Variants in ZCCHC17 observed in about 807,000 individuals in gnomAD.
ZCCHC17 encodes zinc finger CCHC-type containing 17.
Under a neutral mutation model 30.6 loss-of-function variants are expected in ZCCHC17, and 18 were observed. That is an observed-to-expected ratio of 0.59 (90% CI 0.41 to 0.87). The LOEUF is 0.87. Among genes scored for constraint, ZCCHC17 ranks in the 40% least tolerant of loss-of-function variants. The pLI, the probability that ZCCHC17 is intolerant of heterozygous loss-of-function variation, is 0.00. For missense variants in ZCCHC17, 263 were observed against 284.2 expected (o/e 0.93, Z 0.54); for synonymous variants, 88 against 92.4 (o/e 0.95, Z 0.27).
At chr1:31,353,650 G>T (rs1038750236) in intron 7 of ZCCHC17, among the ~76,000 whole-genome samples, 2 of 152,024 alleles carry the variant, frequency 1.3e-5, no homozygotes, top group Non-Finnish European at 2.9e-5. Flanking sequence ...GATCCATTTT[G>T]AGTTTATTTT....
rs748525970 is a variant in ZCCHC17, at chr1:31,319,095, C to A, written c.67-14C>A. 1 of 1,598,386 alleles carries A rather than the reference C, an allele frequency of 6.3e-7. No individual in the cohort carries two copies. Among genetic ancestry groups the A allele is most frequent in the Non-Finnish European group, 8.5e-7 (1 of 1,170,316 alleles). Reference sequence around the variant, plus strand: ...CATGTATGTGACATTGATTTTTTTCCCCCATCTTTATAGGTTGCTATGGTG... The same window carrying A: ...CATGTATGTGACATTGATTTTTTTCACCCATCTTTATAGGTTGCTATGGTG... On this transcript the variant is annotated splice_polypyrimidine_tract_variant and intron_variant, in intron 2 of 7. Transcript: ENST00000344147.
chr1:31,333,136 A>C (rs12758357), intron 3 of ZCCHC17: 94 of 152,236 alleles, frequency 6.2e-4, no homozygotes, highest in African/African-American at 2.2e-3. Context: ...CCAGTTTTTC[A>C]CTGCTAACGC....
intron 7 of ZCCHC17, among the ~76,000 whole-genome samples, chr1:31,361,355 C>T (rs192678480): frequency 1.3e-5 from 2 of 152,238 alleles, no homozygotes; most frequent in Non-Finnish European, 2.9e-5. Context: ...ATACATATAG[C>T]TCCCACTAAG....
At position 31,364,313 on chromosome 1, in the gene ZCCHC17, G is replaced by A. The variant is rs1375772466; in HGVS notation, c.*120G>A. Reference sequence around the variant, plus strand: ...CCCACCCCATTAACTTCGCTCCCATGGGAGATGGCTTCCCCTCATGCAACA... The same window carrying A: ...CCCACCCCATTAACTTCGCTCCCATAGGAGATGGCTTCCCCTCATGCAACA... On this transcript the variant is annotated 3_prime_UTR_variant, in exon 8 of 8. Transcript: ENST00000344147. The A allele has an allele frequency of 3.5e-6, 5 of 1,434,208 alleles. No homozygotes were observed. The African/African-American group carries it at 7.2e-5, about 21-fold the overall frequency. 88.8% of individuals were successfully genotyped at this position (1,434,208 alleles called of 1,614,324 possible). A position where few individuals can be genotyped will look rare whatever the true frequency, so the allele number is the denominator to read the frequency against.
At chr1:31,323,402 A>C (rs1646907716) in intron 3 of ZCCHC17, among the ~76,000 whole-genome samples, 1 of 152,018 alleles carries the variant, frequency 6.6e-6, no homozygotes, top group Non-Finnish European at 1.5e-5. Flanking sequence ...GCTTACTGCA[A>C]GCTCCACCTC....
intron 2 of ZCCHC17, among the ~76,000 whole-genome samples, chr1:31,314,811 C>T (rs59682312): frequency 0.092 from 14,023 of 151,978 alleles, 2,187 homozygotes; most frequent in African/African-American, 0.32. Flanking sequence ...GGATTACAGG[C>T]GCATGCCACC....
At chr1:31,357,230 C>G (rs16834397) in intron 7 of ZCCHC17, among the ~76,000 whole-genome samples, 20,048 of 152,216 alleles carry the variant, frequency 0.13, 1,468 homozygotes, top group Non-Finnish European at 0.15. Flanking sequence ...CAGAGAACTT[C>G]TTCTGGTGCC....
rs955266985 is a variant in ZCCHC17 at position 31,364,884 on chromosome 1, T to C, written c.*691T>C. Reference sequence around the variant, plus strand: ...ACTGTGTGAATCAGTTGATTCTACTTCAGGTCCTTGCTTAAATTCCTGTCA... The same window carrying C: ...ACTGTGTGAATCAGTTGATTCTACTCCAGGTCCTTGCTTAAATTCCTGTCA... On this transcript the variant is annotated 3_prime_UTR_variant, in exon 8 of 8. Transcript: ENST00000344147. The C allele has an allele frequency of 6.6e-6, 1 of 152,276 alleles. No homozygotes were observed. Among genetic ancestry groups the C allele is most frequent in the Non-Finnish European group, 1.5e-5 (1 of 68,048 alleles). 9.4% of individuals were successfully genotyped at this position (152,276 alleles called of 1,614,324 possible).
chr1:31,339,735 C>T (rs1340421378), intron 5 of ZCCHC17, among the ~76,000 whole-genome samples: 2 of 152,178 alleles, frequency 1.3e-5, no homozygotes, highest in East Asian at 1.9e-4. Context: ...GGTGGGGTTA[C>T]GTGGGTCTCT....
chr1:31,328,246 G>A (rs769672948), intron 3 of ZCCHC17, among the ~76,000 whole-genome samples: 4 of 152,146 alleles, frequency 2.6e-5, no homozygotes, highest in Non-Finnish European at 5.9e-5. Context: ...AGGCATGGTG[G>A]CTCACACATG....
At chr1:31,301,955 C>T (rs12118473) in intron 1 of ZCCHC17, among the ~76,000 whole-genome samples, 3 of 152,012 alleles carry the variant, frequency 2.0e-5, no homozygotes, top group East Asian at 1.9e-4. Context: ...CGGCCGGGTG[C>T]GGTGGTTCAC....
rs114843719 is a variant in ZCCHC17, at chr1:31,331,674, C to T, written c.125-5501C>T. ...GTTGCCGGGCTGGAATGCAATGGCT[C>T]GATCTCGGGTCACTGCAACCTCTGC... On this transcript the variant is annotated intron_variant, in intron 3 of 7. Coordinates refer to ENST00000344147, the MANE Select transcript of ZCCHC17 (RefSeq NM_016505.4). Among the ~76,000 whole-genome samples, 395 of 151,410 alleles carry T rather than the reference C, an allele frequency of 2.6e-3. 1 individual carries two copies. The highest frequency in any genetic ancestry group is 8.9e-3 in the African/African-American group (366 of 41,224).
intron 1 of ZCCHC17, among the ~76,000 whole-genome samples, chr1:31,303,219 C>G (rs1432416181): frequency 6.6e-6 from 1 of 152,082 alleles, no homozygotes; most frequent in Non-Finnish European, 1.5e-5. Flanking sequence ...GAGGTCAAGG[C>G]TGCAGGGAGC....
chr1:31,361,940 T>C (rs1002749572), intron 7 of ZCCHC17, among the ~76,000 whole-genome samples: 1 of 152,032 alleles, frequency 6.6e-6, no homozygotes, highest in African/African-American at 2.4e-5. Flanking sequence ...GCTTCCTGAG[T>C]AGCTGGGACT....
chr1:31,298,287 T>A, intron 1 of ZCCHC17, among the ~76,000 whole-genome samples: 1 of 152,088 alleles, frequency 6.6e-6, no homozygotes, highest in East Asian at 1.9e-4. Context: ...GTTTCTGGCT[T>A]ATGTAGTTGA....
chr1:31,322,790 C>T (rs898339800), intron 3 of ZCCHC17, among the ~76,000 whole-genome samples: 27 of 151,158 alleles, frequency 1.8e-4, no homozygotes, highest in African/African-American at 6.3e-4. Flanking sequence ...GGTGCAATAT[C>T]AGCTCACCGC....
intron 2 of ZCCHC17, among the ~76,000 whole-genome samples, chr1:31,317,024 CTTT>C (rs1196920105): frequency 1.6e-5 from 2 of 126,538 alleles, no homozygotes; most frequent in African/African-American, 3.0e-5. Flanking sequence ...AACTTTTTTT[CTTT>C]TTTTTTTTTT....
At chr1:31,356,698 A>G (rs1469637007) in intron 7 of ZCCHC17, among the ~76,000 whole-genome samples, 1 of 152,182 alleles carries the variant, frequency 6.6e-6, no homozygotes, top group Non-Finnish European at 1.5e-5. Flanking sequence ...AGATCTTCCT[A>G]ACCTTGAGCC....
chr1:31,301,868 T>C (rs1001867270), intron 1 of ZCCHC17, among the ~76,000 whole-genome samples: 1 of 152,186 alleles, frequency 6.6e-6, no homozygotes, highest in Non-Finnish European at 1.5e-5. Context: ...GCAAGAAGCA[T>C]CTATCTTACA....
Sources: gnomAD v4.1 joint callset for allele counts (sites outside exome capture counted in the v4.1 genomes callset) on GRCh38, gnomAD v4.1.1 for gene constraint, MANE v1.5 for transcripts, NCBI Gene and HGNC (gene_info 2026-07-23, HGNC 2026-07-21) for gene names.